Variants in GPC5 observed in about 807,000 individuals in gnomAD.
GPC5 encodes the protein glypican 5, also known as glypican-5.
In GPC5, 47 loss-of-function variants were observed where a neutral mutation model predicts 53.9. That is an observed-to-expected ratio of 0.87 (90% CI 0.69 to 1.11). The LOEUF (loss-of-function observed/expected upper bound fraction) is 1.11. Among genes scored for constraint, GPC5 ranks in the 50% most tolerant of loss-of-function variants. The probability of loss-of-function intolerance (pLI) is 0.00; values close to 1 mark genes in which losing one functional copy is unlikely to be tolerated. For missense variants in GPC5, 748 were observed against 713.1 expected (o/e 1.05, Z -0.56); for synonymous variants, 286 against 263.3 (o/e 1.09, Z -0.84).
At chr13:91,587,902 C>T (rs1383251165) in intron 2 of GPC5, among the ~76,000 whole-genome samples, 10 of 152,240 alleles carry the variant, frequency 6.6e-5, no homozygotes, top group South Asian at 2.1e-4. Context: ...ATGTCTCCTG[C>T]ATTGTATATT....
At chr13:92,463,551 G>A (rs891470665) in intron 7 of GPC5, among the ~76,000 whole-genome samples, 1 of 152,154 alleles carries the variant, frequency 6.6e-6, no homozygotes, top group African/African-American at 2.4e-5. Flanking sequence ...TTAGGATAAA[G>A]CTGCTGTGAT....
At chr13:92,025,213 A>G (rs1298006073) in intron 6 of GPC5, among the ~76,000 whole-genome samples, 2 of 152,154 alleles carry the variant, frequency 1.3e-5, no homozygotes, top group African/African-American at 2.4e-5. Flanking sequence ...AGTAAATTCT[A>G]GTTAAGATTC....
chr13:91,959,034 G>A (rs2040100514), intron 6 of GPC5, among the ~76,000 whole-genome samples: 1 of 144,330 alleles, frequency 6.9e-6, no homozygotes, highest in African/African-American at 2.6e-5. Flanking sequence ...AAAGATCCGA[G>A]CAGAACCAAA....
chr13:92,196,720 T>C (rs2042259023), intron 7 of GPC5, among the ~76,000 whole-genome samples: 4 of 152,224 alleles, frequency 2.6e-5, no homozygotes, highest in Admixed American at 2.6e-4. Flanking sequence ...GCTGTAACTC[T>C]GCCCTTTTCT....
In GPC5 at chr13:92,212,904, C is replaced by T. The variant is rs558086890; in HGVS notation, c.1561+67915C>T. ...CAATTAAACATTGCATGTATCATCTCTATACTCTGTCATCCTTAGGCTCTA... is the reference window on the plus strand; with the variant it reads ...CAATTAAACATTGCATGTATCATCTTTATACTCTGTCATCCTTAGGCTCTA... On this transcript the variant is annotated intron_variant, in intron 7 of 7. Coordinates refer to ENST00000377067, the MANE Select transcript of GPC5 (RefSeq NM_004466.6). 2.0e-5 allele frequency among the ~76,000 whole-genome samples: 3 copies of T among 152,314 alleles called. No homozygotes were observed. In the East Asian group the frequency reaches 5.8e-4, roughly 29 times the overall value.
intron 2 of GPC5, among the ~76,000 whole-genome samples, chr13:91,678,729 G>T (rs2035439354): frequency 7.0e-6 from 1 of 142,852 alleles, no homozygotes; most frequent in African/African-American, 2.8e-5. Flanking sequence ...AGGATGTTAG[G>T]AGTTTTTGTT....
At chr13:92,651,388 G>T (rs1271927218) in intron 7 of GPC5, among the ~76,000 whole-genome samples, 1 of 152,102 alleles carries the variant, frequency 6.6e-6, no homozygotes, top group African/African-American at 2.4e-5. Flanking sequence ...TTCCACTGTA[G>T]TCTTCTCCAG....
At chr13:91,502,127 T>A in intron 2 of GPC5, among the ~76,000 whole-genome samples, 1 of 152,178 alleles carries the variant, frequency 6.6e-6, no homozygotes, top group East Asian at 1.9e-4. Context: ...TTGAGTTCAT[T>A]GTAGATTCTG....
At chr13:91,645,354 G>A (rs1566577796) in intron 2 of GPC5, among the ~76,000 whole-genome samples, 1 of 151,826 alleles carries the variant, frequency 6.6e-6, no homozygotes, top group Non-Finnish European at 1.5e-5. Context: ...TTCTCACTTG[G>A]GCTTAGTGAT....
chr13:92,577,760 G>A (rs1304134752), intron 7 of GPC5, among the ~76,000 whole-genome samples: 2 of 151,280 alleles, frequency 1.3e-5, no homozygotes, highest in Non-Finnish European at 2.9e-5. Context: ...TAAAAGTCAT[G>A]TGAGAGCAAG....
intron 2 of GPC5, among the ~76,000 whole-genome samples, chr13:91,659,650 C>A (rs149026160): frequency 4.1e-4 from 63 of 152,284 alleles, no homozygotes; most frequent in African/African-American, 1.5e-3. Context: ...GAAATTTATA[C>A]TTAAGATCCA....
At chr13:92,589,339 C>G (rs974858155) in intron 7 of GPC5, among the ~76,000 whole-genome samples, 1 of 152,132 alleles carries the variant, frequency 6.6e-6, no homozygotes, top group Non-Finnish European at 1.5e-5. Flanking sequence ...AAGGAAGCAT[C>G]ATGCATTTAC....
At chr13:92,663,912 ACAC>A in intron 7 of GPC5, among the ~76,000 whole-genome samples, 1 of 119,306 alleles carries the variant, frequency 8.4e-6, no homozygotes, top group Non-Finnish European at 1.7e-5. Flanking sequence ...ATACACACAC[ACAC>A]ACAAAAATTA....
intron 2 of GPC5, among the ~76,000 whole-genome samples, chr13:91,607,526 C>T (rs960055713): frequency 1.3e-5 from 2 of 152,012 alleles, no homozygotes; most frequent in African/African-American, 4.8e-5. Flanking sequence ...GATGATAACA[C>T]CAGTTCACAG....
chr13:91,842,367 C>T (rs2038797054), intron 5 of GPC5, among the ~76,000 whole-genome samples: 1 of 149,634 alleles, frequency 6.7e-6, no homozygotes, highest in African/African-American at 2.5e-5. Flanking sequence ...ATATTGAACA[C>T]TGATATTTTT....
At chr13:91,754,220 G>A (rs2037239858) in intron 4 of GPC5, among the ~76,000 whole-genome samples, 1 of 152,098 alleles carries the variant, frequency 6.6e-6, no homozygotes, top group South Asian at 2.1e-4. Context: ...CTGTAGAGAA[G>A]CCTTTGAAGG....
chr13:91,582,088 C>T (rs377241042), intron 2 of GPC5, among the ~76,000 whole-genome samples: 14 of 151,916 alleles, frequency 9.2e-5, no homozygotes, highest in African/African-American at 2.9e-4. Context: ...ATGTCTACAC[C>T]AAGTAGACAT....
chr13:92,392,174 C>T (rs928393579), intron 7 of GPC5, among the ~76,000 whole-genome samples: 1 of 152,012 alleles, frequency 6.6e-6, no homozygotes, highest in Admixed American at 6.6e-5. Flanking sequence ...TTTCTAAATC[C>T]CAGAAAATAA....
At chr13:92,802,150 C>T (rs918080281) in intron 7 of GPC5, among the ~76,000 whole-genome samples, 2 of 151,674 alleles carry the variant, frequency 1.3e-5, no homozygotes, top group Non-Finnish European at 1.5e-5. Context: ...TTTTATTGTA[C>T]CTTTACTATG....
Sources: gnomAD v4.1 joint callset for allele counts (sites outside exome capture counted in the v4.1 genomes callset) on GRCh38, gnomAD v4.1.1 for gene constraint, MANE v1.5 for transcripts, NCBI Gene and HGNC (gene_info 2026-07-23, HGNC 2026-07-21) for gene names.